Variants in FAS observed in about 807,000 individuals in gnomAD.
FAS encodes tumor necrosis factor receptor superfamily member 6.
Under a neutral mutation model 33.2 loss-of-function variants are expected in FAS, and 5 were observed. That is an observed-to-expected ratio of 0.15 (90% confidence interval 0.08 to 0.32). FAS has a LOEUF of 0.32. FAS is among the 10% of genes least tolerant of loss of function. FAS has a pLI of 1.00. For synonymous variants in FAS, 131 were observed against 130.7 expected, an observed-to-expected ratio of 1.00 and a Z score of -0.01; for missense variants, 339 against 386.0, an observed-to-expected ratio of 0.88 and a Z score of 1.02.
intron 1 of FAS, chr10:88,991,381 G>T (rs370182124): frequency 3.3e-6 from 1 of 299,190 alleles, no homozygotes; most frequent in Non-Finnish European, 6.5e-6. Flanking sequence ...CCCCGCGGGG[G>T]CGGGGAGAGA....
upstream of FAS, among the ~76,000 whole-genome samples, chr10:88,984,329 C>T (rs149077192): frequency 1.2e-4 from 18 of 152,204 alleles, no homozygotes; most frequent in East Asian, 3.5e-3. Flanking sequence ...AGGTGTTGAT[C>T]TTATGGTCCC....
At chr10:88,964,176 A>C (rs372681470) in intron 1 of FAS, among the ~76,000 whole-genome samples, 13 of 152,190 alleles carry the variant, frequency 8.5e-5, no homozygotes, top group African/African-American at 3.1e-4. Flanking sequence ...GTATGGGAGG[A>C]AAAAAGAATT....
At chr10:88,984,306 A>C (rs1442403180), upstream of FAS, among the ~76,000 whole-genome samples, 3 of 152,156 alleles carry the variant, frequency 2.0e-5, no homozygotes, top group Admixed American at 1.3e-4. Flanking sequence ...TGTAGAGAAG[A>C]GTCTAAAGTG....
chr10:89,007,190 A>C (rs1360178197), intron 2 of FAS, among the ~76,000 whole-genome samples: 1 of 152,236 alleles, frequency 6.6e-6, no homozygotes, highest in East Asian at 1.9e-4. Context: ...ATAGCTGCTC[A>C]AGATTTGACC....
chr10:88,972,124 G>A (rs531725584), intron 1 of FAS, among the ~76,000 whole-genome samples: 1 of 151,898 alleles, frequency 6.6e-6, no homozygotes, highest in East Asian at 1.9e-4. Context: ...GGCCAGGATG[G>A]TCTCAATCTC....
chr10:88,970,897 G>GTGTGTA (rs1384308570), intron 1 of FAS, among the ~76,000 whole-genome samples: 4 of 150,386 alleles, frequency 2.7e-5, no homozygotes, highest in East Asian at 2.0e-4. Flanking sequence ...GTGTGTGTGT[G>GTGTGTA]TATATATATA....
chr10:89,001,263 CTTTT>C (rs10600180), intron 1 of FAS, among the ~76,000 whole-genome samples: 2 of 142,066 alleles, frequency 1.4e-5, no homozygotes, highest in African/African-American at 2.6e-5. Flanking sequence ...CACTGAATGC[CTTTT>C]TTTTTTTTTT....
intron 3 of FAS, among the ~76,000 whole-genome samples, chr10:89,008,187 G>T (rs1848341586): frequency 6.6e-6 from 1 of 152,176 alleles, no homozygotes; most frequent in African/African-American, 2.4e-5. Flanking sequence ...GAAGCCTGCA[G>T]ATACAAGGAC....
intron 2 of FAS, among the ~76,000 whole-genome samples, chr10:88,975,409 C>T (rs535446034): frequency 6.6e-6 from 1 of 152,240 alleles, no homozygotes; most frequent in South Asian, 2.1e-4. Context: ...CTGAAAGTAC[C>T]TGAAAGTGTT....
intron 2 of FAS, among the ~76,000 whole-genome samples, chr10:88,979,847 C>T (rs1462260676): frequency 6.6e-6 from 1 of 152,172 alleles, no homozygotes; most frequent in Non-Finnish European, 1.5e-5. Context: ...TGCCTGTGTC[C>T]TCACCACACA....
chr10:88,996,291 G>C (rs1847586771), intron 1 of FAS, among the ~76,000 whole-genome samples: 1 of 151,342 alleles, frequency 6.6e-6, no homozygotes, highest in South Asian at 2.1e-4. Flanking sequence ...TTTTTCATGT[G>C]AATGTCTGTA....
intron 2 of FAS, among the ~76,000 whole-genome samples, chr10:88,979,417 T>C (rs1361917877): frequency 6.6e-6 from 1 of 152,112 alleles, no homozygotes; most frequent in East Asian, 1.9e-4. Flanking sequence ...GATGCCAGCA[T>C]TCAGGACAGA....
chr10:88,999,168 T>TGAATA (rs1847783715), intron 1 of FAS, among the ~76,000 whole-genome samples: 1 of 67,734 alleles, frequency 1.5e-5, no homozygotes, highest in African/African-American at 4.3e-5. Context: ...AATAAATAAA[T>TGAATA]AAATAAAATA....
At chr10:89,007,295 T>C (rs1027899540) in intron 2 of FAS, among the ~76,000 whole-genome samples, 2 of 152,248 alleles carry the variant, frequency 1.3e-5, no homozygotes, top group East Asian at 3.8e-4. Context: ...GTCAGAGCAA[T>C]GTGAGTTAGT....
upstream of FAS, among the ~76,000 whole-genome samples, chr10:88,982,427 T>TC (rs921785793): frequency 7.2e-5 from 11 of 152,108 alleles, no homozygotes; most frequent in Admixed American, 5.2e-4. Context: ...TGTGTTTTTT[T>TC]CTTTTTTTTT....
chr10:88,990,754 G>T, upstream of FAS: 1 of 1,263,374 alleles, frequency 7.9e-7, no homozygotes, highest in Non-Finnish European at 1.1e-6. This position sits in a 1 kb window ranked among gnomAD's most constrained non-coding sequence, Gnocchi z 4.9. Flanking sequence ...GCACTGGCAC[G>T]GAACACACCC....
At chr10:89,004,851 T>G (rs1266428607) in intron 2 of FAS, among the ~76,000 whole-genome samples, 1 of 152,132 alleles carries the variant, frequency 6.6e-6, no homozygotes, top group African/African-American at 2.4e-5. Flanking sequence ...CCCACTTCAA[T>G]TCCCTCTTGT....
intron 1 of FAS, chr10:88,991,311 A>G (rs2133388984): frequency 2.8e-6 from 1 of 361,098 alleles, no homozygotes; most frequent in Middle Eastern, 8.7e-4. Context: ...GAACTCCTGG[A>G]CAAGCCCTGA....
Position 89,010,616 on chromosome 10 carries a change from C to A in FAS, c.505+16C>A, listed in dbSNP as rs3218620. The A allele has an allele frequency of 1.9e-6, 3 of 1,612,430 alleles. No homozygotes were observed. The South Asian group carries it at 3.3e-5, about 18-fold the overall frequency. On this transcript the variant is annotated intron_variant, in intron 5 of 8. Transcript: ENST00000652046. ...AAAGAGGAAGGTAATTATTTTTTTA[C>A]GGTTATATTCTCCTTTCCCCCAACC...
Sources: allele counts gnomAD v4.1 joint callset (sites outside exome capture counted in the v4.1 genomes callset), GRCh38; gene constraint gnomAD v4.1.1; non-coding constraint Gnocchi (gnomAD v3.1); transcripts MANE v1.5; gene names NCBI Gene and HGNC (gene_info 2026-07-23, HGNC 2026-07-21).